CHST9: variants seen among roughly 807,000 people sequenced by gnomAD.
The protein encoded by CHST9 is GalNAc-4-sulfotransferase 2.
In CHST9, 41 loss-of-function variants were observed where a neutral mutation model predicts 44.4. The ratio of observed to expected loss-of-function variants is 0.92; its 90% CI spans 0.72 to 1.20. CHST9 has a LOEUF of 1.20. CHST9 is among the 50% of genes most tolerant of loss of function. The probability of loss-of-function intolerance (pLI) is 0.00; values close to 1 mark genes in which losing one functional copy is unlikely to be tolerated. For synonymous variants in CHST9, 171 were observed against 178.4 expected (o/e 0.96, Z 0.33); for missense variants, 504 against 516.5 (o/e 0.98, Z 0.23).
At chr18:27,043,057 TTCTG>T (rs1377792765) in intron 3 of CHST9, among the ~76,000 whole-genome samples, 1 of 152,044 alleles carries the variant, frequency 6.6e-6, no homozygotes, top group Non-Finnish European at 1.5e-5. Flanking sequence ...CCTTTTAACT[TTCTG>T]TCTTTCTTGG....
chr18:26,936,531 G>C (rs2055995876), intron 5 of CHST9: 2 of 152,160 alleles, frequency 1.3e-5, no homozygotes. Context: ...ATACGGAGGT[G>C]ATGAGTTACT....
chr18:27,160,580 T>C (rs1381213041), intron 1 of CHST9, among the ~76,000 whole-genome samples: 3 of 152,300 alleles, frequency 2.0e-5, no homozygotes, highest in East Asian at 3.9e-4. Flanking sequence ...TCTTTTTTTG[T>C]TGTGTCTCTG....
At chr18:27,077,640 A>T (rs2057918428) in intron 2 of CHST9, among the ~76,000 whole-genome samples, 1 of 152,172 alleles carries the variant, frequency 6.6e-6, no homozygotes, top group African/African-American at 2.4e-5. Context: ...TGATGAAGTG[A>T]TTTCATCTCT....
chr18:27,181,158 G>A (rs2058908515), intron 1 of CHST9, among the ~76,000 whole-genome samples: 1 of 152,146 alleles, frequency 6.6e-6, no homozygotes, highest in African/African-American at 2.4e-5. Context: ...TATATTTTTG[G>A]CAGTTCTAAC....
At chr18:27,163,188 G>A (rs1260079839) in intron 1 of CHST9, among the ~76,000 whole-genome samples, 4 of 152,162 alleles carry the variant, frequency 2.6e-5, no homozygotes, top group African/African-American at 9.7e-5. Context: ...TGTCTCAGAG[G>A]AGTACCTGGC....
At chr18:26,939,586 T>C (rs2056051609) in intron 5 of CHST9, among the ~76,000 whole-genome samples, 1 of 152,202 alleles carries the variant, frequency 6.6e-6, no homozygotes, top group African/African-American at 2.4e-5. Context: ...TATGTCGAAC[T>C]ATTTCAAAGT....
At chr18:27,060,931 G>A (rs1413900172) in intron 2 of CHST9, among the ~76,000 whole-genome samples, 1 of 152,190 alleles carries the variant, frequency 6.6e-6, no homozygotes, top group Non-Finnish European at 1.5e-5. Context: ...CCAGCTATAG[G>A]TGAGATGAAT....
intron 2 of CHST9, among the ~76,000 whole-genome samples, chr18:27,104,766 G>C (rs1008025356): frequency 2.6e-5 from 4 of 151,990 alleles, no homozygotes; most frequent in Non-Finnish European, 5.9e-5. Context: ...ATCATATTAG[G>C]ACAAACAATT....
intron 4 of CHST9, among the ~76,000 whole-genome samples, chr18:26,965,751 G>T (rs552054455): frequency 1.3e-5 from 2 of 152,206 alleles, no homozygotes; most frequent in East Asian, 3.8e-4. Flanking sequence ...CATCTGTCGA[G>T]TTAAGGGTAA....
chr18:27,096,406 T>C (rs533441880), intron 2 of CHST9, among the ~76,000 whole-genome samples: 6 of 151,338 alleles, frequency 4.0e-5, no homozygotes, highest in African/African-American at 1.5e-4. Context: ...ATCCCAAAGA[T>C]AGCAGAAAAA....
At chr18:27,064,917 CTT>C (rs1157312233) in intron 2 of CHST9, among the ~76,000 whole-genome samples, 1 of 152,208 alleles carries the variant, frequency 6.6e-6, no homozygotes, top group Non-Finnish European at 1.5e-5. Context: ...CATGCCACCT[CTT>C]TAGCAGGGCA....
At chr18:27,079,065 G>T (rs2143674261) in intron 2 of CHST9, among the ~76,000 whole-genome samples, 1 of 152,272 alleles carries the variant, frequency 6.6e-6, no homozygotes, top group East Asian at 1.9e-4. Flanking sequence ...TCATCAGCTT[G>T]TGGCAATGAG....
chr18:27,081,334 C>A (rs1225385241), intron 2 of CHST9, among the ~76,000 whole-genome samples: 2 of 151,844 alleles, frequency 1.3e-5, no homozygotes, highest in Non-Finnish European at 2.9e-5. Flanking sequence ...CAGAGTGAGA[C>A]CCTGACTCAA....
chr18:27,083,361 C>A (rs547323950), intron 2 of CHST9, among the ~76,000 whole-genome samples: 10 of 152,204 alleles, frequency 6.6e-5, no homozygotes, highest in Non-Finnish European at 1.3e-4. Context: ...AGATCCAAAT[C>A]CATTAAAACT....
intron 4 of CHST9, among the ~76,000 whole-genome samples, chr18:26,956,715 G>A (rs1177055662): frequency 6.6e-6 from 1 of 152,036 alleles, no homozygotes; most frequent in African/African-American, 2.4e-5. Context: ...TGAAATTTAG[G>A]GGGATATGTT....
At chr18:27,052,761 T>C (rs142820306) in intron 2 of CHST9, among the ~76,000 whole-genome samples, 2 of 152,288 alleles carry the variant, frequency 1.3e-5, no homozygotes, top group Non-Finnish European at 2.9e-5. Context: ...AATGAGTTCA[T>C]GTCCTTTGCA....
intron 3 of CHST9, among the ~76,000 whole-genome samples, chr18:27,038,790 T>C (rs903238014): frequency 2.6e-5 from 4 of 152,200 alleles, no homozygotes; most frequent in Non-Finnish European, 2.9e-5. Context: ...TACTATTTTC[T>C]ATTATAATAC....
intron 4 of CHST9, among the ~76,000 whole-genome samples, chr18:26,992,980 C>A (rs1009995439): frequency 4.2e-4 from 64 of 152,250 alleles, no homozygotes; most frequent in African/African-American, 1.5e-3. Context: ...CAGGCAGACA[C>A]CCTAAATGCA....
chr18:26,956,653 G>A (rs958550235), intron 4 of CHST9, among the ~76,000 whole-genome samples: 1 of 151,932 alleles, frequency 6.6e-6, no homozygotes, highest in Non-Finnish European at 1.5e-5. Context: ...CCCACTTAAC[G>A]AAAACTTAAG....
Sources: gnomAD v4.1 joint callset for allele counts (sites outside exome capture counted in the v4.1 genomes callset) on GRCh38, gnomAD v4.1.1 for gene constraint, MANE v1.5 for transcripts, NCBI Gene and HGNC (gene_info 2026-07-23, HGNC 2026-07-21) for gene names.